Variants in PPP2R2C observed in about 807,000 individuals in gnomAD.
PPP2R2C encodes protein phosphatase 2 regulatory subunit Bgamma, also known as protein phosphatase 2, regulatory subunit B, gamma.
A neutral mutation model predicts 45.3 loss-of-function variants in PPP2R2C; 10 were observed. The observed-to-expected ratio is 0.22, with a 90% CI of 0.14 to 0.37. The LOEUF is 0.37. Ranked by LOEUF, PPP2R2C falls within the 10% of genes least tolerant of loss-of-function variation. The pLI, the probability that PPP2R2C is intolerant of heterozygous loss-of-function variation, is 1.00. For synonymous variants in PPP2R2C, 257 were observed against 245.4 expected (o/e 1.05, Z -0.44); for missense variants, 308 against 619.7 (o/e 0.50, Z 5.34).
At chr4:6,413,227 A>G (rs1158480537) in intron 1 of PPP2R2C, among the ~76,000 whole-genome samples, 1 of 150,952 alleles carries the variant, frequency 6.6e-6, no homozygotes, top group Non-Finnish European at 1.5e-5. Flanking sequence ...ATGTGCACAC[A>G]CAGTTGTACA....
chr4:6,418,613 G>A (rs561922262), intron 1 of PPP2R2C, among the ~76,000 whole-genome samples: 2 of 152,286 alleles, frequency 1.3e-5, no homozygotes, highest in South Asian at 4.1e-4. Context: ...CACATAGGCT[G>A]AGCTGCTCTT....
At chr4:6,343,136 C>T (rs763182918) in intron 6 of PPP2R2C, among the ~76,000 whole-genome samples, 21 of 152,130 alleles carry the variant, frequency 1.4e-4, no homozygotes, top group East Asian at 1.3e-3. Context: ...TAAAAACAGC[C>T]GCCACCTGCT....
chr4:6,353,362 GC>G (rs1316642602), intron 5 of PPP2R2C, among the ~76,000 whole-genome samples: 2 of 21,382 alleles, frequency 9.4e-5, no homozygotes, highest in East Asian at 1.7e-3. Flanking sequence ...AACACTGACA[GC>G]CCCCCAACCA....
chr4:6,507,793 T>G (rs1468608802), intron 2 of PPP2R2C, among the ~76,000 whole-genome samples: 1 of 152,254 alleles, frequency 6.6e-6, no homozygotes, highest in Admixed American at 6.5e-5. Context: ...TCCTCATGTC[T>G]TCACTAAACC....
At chr4:6,412,578 G>A (rs1718259485) in intron 1 of PPP2R2C, among the ~76,000 whole-genome samples, 1 of 152,208 alleles carries the variant, frequency 6.6e-6, no homozygotes, top group African/African-American at 2.4e-5. Flanking sequence ...CTGAGTGCTG[G>A]AAAAGGCTCC....
At position 6,416,548 on chromosome 4, in the gene PPP2R2C, G is replaced by A. The variant is rs112432447; in HGVS notation, c.71-35454C>T. On this transcript the variant is annotated intron_variant, in intron 1 of 8. Transcript: ENST00000382599. ...CCAGTGGGAGCTTTCCCAACAGAAA[G>A]CAGCTGTGACCCCCGGGGTGAAGCA... Among the ~76,000 whole-genome samples, 987 of 152,312 alleles carry A rather than the reference G, an allele frequency of 6.5e-3. 15 individuals are homozygous for A. Among genetic ancestry groups the A allele is most frequent in the African/African-American group, 0.022 (928 of 41,552 alleles).
chr4:6,484,889 T>C (rs1722481006), intron 2 of PPP2R2C, among the ~76,000 whole-genome samples: 3 of 151,934 alleles, frequency 2.0e-5, no homozygotes, highest in African/African-American at 7.2e-5. Context: ...GTTTTACTTC[T>C]TCTTTTCTAA....
intron 1 of PPP2R2C, among the ~76,000 whole-genome samples, chr4:6,421,661 T>C (rs1172156305): frequency 6.6e-6 from 1 of 151,998 alleles, no homozygotes; most frequent in African/African-American, 2.4e-5. Flanking sequence ...GGGCTGAGAA[T>C]GACGAGGAGA....
At chr4:6,467,455 C>T (rs554471959) in intron 1 of PPP2R2C, among the ~76,000 whole-genome samples, 374 of 152,256 alleles carry the variant, frequency 2.5e-3, no homozygotes, top group African/African-American at 8.5e-3. Context: ...CCACCAGGAA[C>T]CCAGATCTCC....
intron 1 of PPP2R2C, among the ~76,000 whole-genome samples, chr4:6,421,329 C>A (rs1439483897): frequency 6.6e-6 from 1 of 152,144 alleles, no homozygotes; most frequent in East Asian, 1.9e-4. Flanking sequence ...GCTTGTGCTT[C>A]CTACTTCTGG....
rs939808743 is a variant in PPP2R2C, at chr4:6,331,205, G to A, written c.961-1852C>T. On this transcript the variant is annotated intron_variant, in intron 7 of 8. Coordinates refer to ENST00000382599, the MANE Select transcript of PPP2R2C (RefSeq NM_020416.4). The surrounding 1 kb of genome is among the most constrained non-coding windows in gnomAD (Gnocchi z 5.9). ...AAATGCGCATGCTGTTCTCTCTGCC[G>A]TGCACTAAGCATCTCCTGCCCTCTA... Among the ~76,000 whole-genome samples the A allele has an allele frequency of 6.6e-5, 10 of 152,172 alleles. No homozygotes were observed. Among genetic ancestry groups the A allele is most frequent in the Middle Eastern group, 3.2e-3 (1 of 316 alleles).
chr4:6,437,008 C>G (rs956992169), intron 1 of PPP2R2C, among the ~76,000 whole-genome samples: 1 of 152,166 alleles, frequency 6.6e-6, no homozygotes, highest in Admixed American at 6.5e-5. Flanking sequence ...ACATGTAGAC[C>G]TGAATTTCTG....
intron 2 of PPP2R2C, among the ~76,000 whole-genome samples, chr4:6,507,374 C>T (rs147880403): frequency 9.8e-5 from 15 of 152,326 alleles, no homozygotes; most frequent in Non-Finnish European, 1.6e-4. Context: ...GCTGCAGCAA[C>T]GTCGCAGGAA....
At chr4:6,481,872 C>T (rs775711727) in intron 2 of PPP2R2C, among the ~76,000 whole-genome samples, 50 of 147,858 alleles carry the variant, frequency 3.4e-4, no homozygotes, top group Non-Finnish European at 5.1e-4. Context: ...CCAGCTATTC[C>T]GGAGGCTGAG....
chr4:6,370,758 A>C (rs903297319), intron 5 of PPP2R2C, among the ~76,000 whole-genome samples: 4 of 152,180 alleles, frequency 2.6e-5, no homozygotes, highest in African/African-American at 9.7e-5. Flanking sequence ...TATCCACATC[A>C]AACATGCTCG....
At chr4:6,382,016 C>T in intron 1 of PPP2R2C, 1 of 1,412,332 alleles carries the variant, frequency 7.1e-7, no homozygotes. Context: ...AGAGAAACCC[C>T]CACTGGAGGA....
intron 1 of PPP2R2C, among the ~76,000 whole-genome samples, chr4:6,435,967 A>C (rs766137847): frequency 9.2e-5 from 14 of 152,314 alleles, no homozygotes; most frequent in Non-Finnish European, 1.5e-4. Flanking sequence ...TGATGGTCTT[A>C]GGAAGTAACG....
Position 6,351,379 on chromosome 4 carries a change from C to T in PPP2R2C, c.626-3369G>A, listed in dbSNP as rs1009408416. 4 of 983,838 alleles carry T rather than the reference C, an allele frequency of 4.1e-6. No individual in the cohort carries two copies. The African/African-American group carries it at 7.0e-5, about 17-fold the overall frequency. The allele number at this position is 983,838 out of a possible 1,614,324, so 60.9% of individuals were successfully genotyped here. A position where few individuals can be genotyped will look rare whatever the true frequency, so the allele number is the denominator to read the frequency against. On this transcript the variant is annotated intron_variant, in intron 5 of 8. Coordinates refer to ENST00000382599, the MANE Select transcript of PPP2R2C (RefSeq NM_020416.4). ...TGCAGGGCTCCATTAGGTCTGTAGC[C>T]CTGTGGCAAACACACCCGAGCCACG...
upstream of PPP2R2C, among the ~76,000 whole-genome samples, chr4:6,473,050 T>G (rs1577209654): frequency 1.3e-5 from 2 of 151,190 alleles, no homozygotes; most frequent in Non-Finnish European, 1.5e-5. Flanking sequence ...TAGAAGAGGG[T>G]GGGTCGCGCA....
Sources: allele counts gnomAD v4.1 joint callset (sites outside exome capture counted in the v4.1 genomes callset), GRCh38; gene constraint gnomAD v4.1.1; non-coding constraint Gnocchi (gnomAD v3.1); transcripts MANE v1.5; gene names NCBI Gene and HGNC (gene_info 2026-07-23, HGNC 2026-07-21).